Variants in PTPRS observed in about 807,000 individuals in gnomAD.
PTPRS encodes receptor-type tyrosine-protein phosphatase S.
Under a neutral mutation model 215.3 loss-of-function variants are expected in PTPRS, and 63 were observed. The observed-to-expected ratio is 0.29, with a 90% CI of 0.24 to 0.36. PTPRS has a LOEUF of 0.36. PTPRS is among the 10% of genes least tolerant of loss of function. The pLI is 1.00. For missense variants in PTPRS, 2,258 were observed against 2,825.8 expected (o/e 0.80, Z 4.56); for synonymous variants, 1,404 against 1,191.4 (o/e 1.18, Z -3.68).
intron 1 of PTPRS, among the ~76,000 whole-genome samples, chr19:5,311,396 C>T (rs527955781): frequency 6.6e-6 from 1 of 152,286 alleles, no homozygotes; most frequent in Admixed American, 6.5e-5. Context: ...CAACACCTGA[C>T]CCTGTGAGGA....
At chr19:5,334,341 C>T (rs1292128490) in intron 1 of PTPRS, among the ~76,000 whole-genome samples, 1 of 152,214 alleles carries the variant, frequency 6.6e-6, no homozygotes, top group African/African-American at 2.4e-5. Flanking sequence ...AAAATAATAA[C>T]AAAAACAGAA....
At chr19:5,215,881 C>A (rs567388802) in intron 26 of PTPRS, among the ~76,000 whole-genome samples, 1 of 152,296 alleles carries the variant, frequency 6.6e-6, no homozygotes, top group Admixed American at 6.5e-5. Context: ...ATCCTGTTTC[C>A]TTCCAACCAA....
At chr19:5,297,203 C>T (rs536295807) in intron 1 of PTPRS, among the ~76,000 whole-genome samples, 38 of 152,144 alleles carry the variant, frequency 2.5e-4, no homozygotes, top group Non-Finnish European at 4.0e-4. Flanking sequence ...GGGAGGAACA[C>T]GGGGCTGGAT....
rs1350373453 is a variant in PTPRS, at chr19:5,260,172, TTTTG to T, written c.595+629_595+632del. Among the ~76,000 whole-genome samples the T allele has an allele frequency of 4.1e-3, 611 of 150,860 alleles. 4 individuals carry two copies. Among genetic ancestry groups the T allele is most frequent in the Non-Finnish European group, 5.8e-3 (395 of 67,824 alleles). Reference sequence around the variant, plus strand: ...CTGGAAGGCCCACTTTGCATGTTCGTTTTGTTTCTTTTTTTTTTTTTTTTTGAGG... The same window carrying T: ...CTGGAAGGCCCACTTTGCATGTTCGTTTTCTTTTTTTTTTTTTTTTTGAGG... On this transcript the variant is annotated intron_variant, in intron 7 of 37. Transcript: ENST00000262963.
chr19:5,259,751 A>G (rs1166343624), intron 7 of PTPRS, among the ~76,000 whole-genome samples: 1 of 152,204 alleles, frequency 6.6e-6, no homozygotes, highest in African/African-American at 2.4e-5. Flanking sequence ...GGGTCCAAAA[A>G]TCCAGACTGA....
chr19:5,259,831 G>A (rs895640523), intron 7 of PTPRS, among the ~76,000 whole-genome samples: 1 of 152,274 alleles, frequency 6.6e-6, no homozygotes, highest in Admixed American at 6.5e-5. Context: ...ATTCTCTCTG[G>A]AGGTCATGGA....
rs762745461 is a variant in PTPRS at position 5,257,976 on chromosome 19, G to A, written c.706+41C>T. The A allele has an allele frequency of 1.3e-6, 2 of 1,549,558 alleles. No individual in the cohort carries two copies. Among genetic ancestry groups the A allele is most frequent in the Non-Finnish European group, 1.8e-6 (2 of 1,128,250 alleles). ...CCCGAGGAGGGAGGGGGATGGGACG[G>A]GGCGGGTCCCTGCCTTTGACCTGGA... is the stretch of plus-strand genomic sequence containing the variant. On this transcript the variant is annotated intron_variant, in intron 8 of 37. Coordinates refer to ENST00000262963, the MANE Select transcript of PTPRS (RefSeq NM_002850.4). The surrounding 1 kb of genome is among the most constrained non-coding windows in gnomAD (Gnocchi z 4.4).
chr19:5,255,801 C>T (rs1301851596), intron 9 of PTPRS, among the ~76,000 whole-genome samples: 5 of 152,168 alleles, frequency 3.3e-5, no homozygotes, highest in South Asian at 2.1e-4. Context: ...ACATTACCAA[C>T]GGATGCAGAG....
At chr19:5,236,030 T>C (rs985900788) in intron 13 of PTPRS, among the ~76,000 whole-genome samples, 1 of 152,198 alleles carries the variant, frequency 6.6e-6, no homozygotes, top group East Asian at 1.9e-4. Flanking sequence ...ATTTAATGCA[T>C]GCATTATCTC....
At chr19:5,211,517 A>G (rs1353436641) in intron 33 of PTPRS, 73 bp downstream of exon 33, 1 of 1,475,204 alleles carries the variant, frequency 6.8e-7, no homozygotes, top group African/African-American at 1.4e-5. Context: ...TGTCTCCCAC[A>G]AGACTGGAGG....
chr19:5,222,074 C>T (rs773003994), intron 19 of PTPRS, 49 bp downstream of exon 19: 2 of 1,502,000 alleles, frequency 1.3e-6, no homozygotes, highest in South Asian at 2.3e-5. Context: ...TGCTGAACTA[C>T]AACCCCTGAC....
intron 11 of PTPRS, among the ~76,000 whole-genome samples, 189 bp downstream of exon 11, chr19:5,243,712 C>A (rs2044241629): frequency 2.0e-5 from 3 of 152,120 alleles, no homozygotes; most frequent in South Asian, 4.1e-4. Context: ...CCTCCGGTGA[C>A]CCGCCCGCCT....
chr19:5,225,008 G>A (rs2042350362), intron 17 of PTPRS, among the ~76,000 whole-genome samples: 4 of 150,160 alleles, frequency 2.7e-5, no homozygotes, highest in Admixed American at 2.0e-4. Context: ...CCACCACCAC[G>A]CCCCACCCCC....
intron 11 of PTPRS, among the ~76,000 whole-genome samples, chr19:5,243,382 C>T (rs962304153): frequency 5.3e-5 from 8 of 152,038 alleles, no homozygotes; most frequent in East Asian, 1.9e-4. Flanking sequence ...GTAATCCACT[C>T]GCCTCCGACT....
At chr19:5,274,402 T>C in intron 2 of PTPRS, 58 bp from the exon 3 acceptor site, 2 of 1,537,550 alleles carry the variant, frequency 1.3e-6, no homozygotes, top group Non-Finnish European at 8.8e-7. Flanking sequence ...CTGGCTAGGA[T>C]ACCAAGGAGC....
At position 5,286,154 on chromosome 19, in the gene PTPRS, C is replaced by G; in HGVS notation, c.-14G>C. ...GGTGGGCGCCATGCTTGGCAGCGAC[C>G]TCCGATCTCCGCCCTGGAGGGGGAT... On this transcript the variant is annotated 5_prime_UTR_variant, in exon 2 of 38. Coordinates refer to ENST00000262963, the MANE Select transcript of PTPRS (RefSeq NM_002850.4). 5 of 1,612,712 alleles carry G rather than the reference C, an allele frequency of 3.1e-6. No homozygotes were observed. Among genetic ancestry groups the G allele is most frequent in the Non-Finnish European group, 4.2e-6 (5 of 1,179,456 alleles).
At chr19:5,303,360 A>T (rs2049364391) in intron 1 of PTPRS, among the ~76,000 whole-genome samples, 1 of 152,140 alleles carries the variant, frequency 6.6e-6, no homozygotes, top group Non-Finnish European at 1.5e-5. Flanking sequence ...GTCCCCGTGC[A>T]CAAGGGTGGG....
At position 5,215,522 on chromosome 19, in the gene PTPRS, G is replaced by A; in HGVS notation, c.4170C>T (p.Ser1390=). 6.2e-7 allele frequency: 1 copy of A among 1,612,068 alleles called. No homozygotes were observed. The highest frequency in any genetic ancestry group is 8.5e-7 in the Non-Finnish European group (1 of 1,178,592). Residue 1390 remains serine (S), a synonymous_variant, in exon 27 of 38, where the codon AGC becomes AGT. Transcript: ENST00000262963. ...EHTERLKAND[S]LKLSQEYESI... is the part of the protein sequence containing the mutation. Reference sequence around the variant, plus strand: ...CCTCATACTCCTGGGAGAGCTTGAGGCTGTCGTTGGCCTTGAGCCGCTCCG... The same window carrying A: ...CCTCATACTCCTGGGAGAGCTTGAGACTGTCGTTGGCCTTGAGCCGCTCCG...
chr19:5,286,124 C>A lies in PTPRS; in HGVS notation c.17G>T (p.Gly6Val), dbSNP rs753384829. The A allele has an allele frequency of 2.5e-6, 4 of 1,613,950 alleles. No homozygotes were observed. The highest frequency in any genetic ancestry group is 3.4e-6 in the Non-Finnish European group (4 of 1,180,008). Residue 6 changes from glycine to valine, a missense_variant, in exon 2 of 38, where the codon GGC (glycine) becomes GTC (valine). Around this residue, in one of 6 missense-constraint regions of PTPRS, gnomAD observed 508 missense variants for 799.4 expected, o/e 0.64. Coordinates refer to ENST00000262963, the MANE Select transcript of PTPRS (RefSeq NM_002850.4). ...ACCAACCACAGACACCATGCCAGGG[C>A]CCCAGGTGGGCGCCATGCTTGGCAG... MAPTW[G>V]PGMVSVVGPM...
Sources: gnomAD v4.1 joint callset for allele counts (sites outside exome capture counted in the v4.1 genomes callset) on GRCh38, gnomAD v4.1.1 for gene constraint, gnomAD v4.1.1 regional missense constraint, Gnocchi (gnomAD v3.1) non-coding constraint, MANE v1.5 for transcripts, NCBI Gene and HGNC (gene_info 2026-07-23, HGNC 2026-07-21) for gene names.